The following ALDH1L1 variants were observed in gnomAD, a reference collection of about 807,000 sequenced individuals.
ALDH1L1 encodes the protein cytosolic 10-formyltetrahydrofolate dehydrogenase.
In ALDH1L1, 68 loss-of-function variants were observed where a neutral mutation model predicts 101.1. The ratio of observed to expected loss-of-function variants is 0.67; its 90% CI spans 0.55 to 0.82. The LOEUF (loss-of-function observed/expected upper bound fraction) is 0.82. Ranked by LOEUF, ALDH1L1 falls within the 40% of genes least tolerant of loss-of-function variation. ALDH1L1 has a pLI of 0.00. For missense variants in ALDH1L1, 1,087 were observed against 1,172.7 expected (o/e 0.93, Z 1.07); for synonymous variants, 486 against 470.8 (o/e 1.03, Z -0.42).
At chr3:126,157,255 T>C in intron 4 of ALDH1L1, 88 bp downstream of exon 4, 1 of 1,460,932 alleles carries the variant, frequency 6.8e-7, no homozygotes, top group Non-Finnish European at 9.1e-7. Context: ...AACAGATTCC[T>C]GGCCTCCAGG....
At position 126,135,528 on chromosome 3, in the gene ALDH1L1, C is replaced by T; in HGVS notation, c.1472+7G>A. 2 of 1,604,738 alleles carry T rather than the reference C, an allele frequency of 1.2e-6. No homozygotes were observed. The highest frequency in any genetic ancestry group is 4.5e-5 in the East Asian group (2 of 44,260). On this transcript the variant is annotated splice_region_variant and intron_variant, in intron 12 of 22. Coordinates refer to ENST00000393434, the MANE Select transcript of ALDH1L1 (RefSeq NM_012190.4). The stretch of plus-strand genomic sequence containing the variant: ...CAGTGGCTGGCAGGTACATGTTGGG[C>T]TCCCACCTGTACATCAGCCGGCCCC...
upstream of ALDH1L1, among the ~76,000 whole-genome samples, chr3:126,182,812 G>A (rs899583947): frequency 4.6e-5 from 7 of 152,144 alleles, no homozygotes; most frequent in East Asian, 3.9e-4. Flanking sequence ...AAAGTGTTCC[G>A]AAATCATGTG....
At chr3:126,114,817 C>T in intron 17 of ALDH1L1, 161 bp from the exon 18 acceptor site, 2 of 680,498 alleles carry the variant, frequency 2.9e-6, no homozygotes, top group Non-Finnish European at 5.3e-6. Flanking sequence ...TGCGGCTTCA[C>T]ACGGCCACCT....
In ALDH1L1 at chr3:126,158,426, C is replaced by CG. The variant is rs2080962745; in HGVS notation, c.340dup (p.Arg114ProfsTer15). The CG allele has an allele frequency of 6.2e-7, 1 of 1,604,092 alleles. No homozygotes were observed. The highest frequency in any genetic ancestry group is 8.5e-7 in the Non-Finnish European group (1 of 1,173,532). On this transcript the variant is annotated frameshift_variant, in exon 3 of 23. Transcript: ENST00000393434. LOFTEE classifies it high-confidence loss of function. ...TCACCAGTTGATGGCCGAGGCCCCT[C>CG]GGTGCCTAGGGAGCAGTGACGGGTG...
At chr3:126,133,179 T>G (rs1559936576) in intron 12 of ALDH1L1, among the ~76,000 whole-genome samples, 1 of 152,222 alleles carries the variant, frequency 6.6e-6, no homozygotes, top group Non-Finnish European at 1.5e-5. Context: ...TTTTAGCCAC[T>G]TAGGGCCCGC....
rs1385796981 is a variant in ALDH1L1 at position 126,131,387 on chromosome 3, G to A, written c.1620C>T (p.Ile540=). 4 of 1,599,016 alleles carry A rather than the reference G, an allele frequency of 2.5e-6. No individual in the cohort carries two copies. Among genetic ancestry groups the A allele is most frequent in the Non-Finnish European group, 3.4e-6 (4 of 1,168,050 alleles). Residue 540 remains isoleucine (I), a synonymous_variant, in exon 13 of 23, where the codon ATC becomes ATT. Transcript: ENST00000393434. ...FRYFAGWCDK[I]QGSTIPINQA... is the part of the protein sequence containing the mutation. ...TGGGTGGGAGCCTGGGCCCCACCTG[G>A]ATCTTGTCACACCAGCCAGCAAAGT...
intron 18 of ALDH1L1, 93 bp downstream of exon 18, chr3:126,114,464 G>T (rs1397820368): frequency 2.0e-6 from 2 of 1,023,728 alleles, no homozygotes; most frequent in African/African-American, 3.2e-5. Flanking sequence ...CTACACGTGT[G>T]AGTGTGGCTG....
rs979212367 is a variant in ALDH1L1, at chr3:126,145,076, G to C, written c.1076+1759C>G. Among the ~76,000 whole-genome samples, 5 of 152,108 alleles carry C rather than the reference G, an allele frequency of 3.3e-5. No individual in the cohort carries two copies. In the South Asian group the frequency reaches 1.0e-3, roughly 32 times the overall value. On this transcript the variant is annotated intron_variant, in intron 9 of 22. Transcript: ENST00000393434. ...CACATGACCAACAGGTATATGAAAA[G>C]ATGCTCAACATCACTAATCATCAGG...
At chr3:126,177,279 C>T (rs1474633471) in intron 1 of ALDH1L1, among the ~76,000 whole-genome samples, 1 of 152,200 alleles carries the variant, frequency 6.6e-6, no homozygotes, top group Non-Finnish European at 1.5e-5. Context: ...TTATTCACTG[C>T]TAAAACTTGG....
At chr3:126,153,711 A>C in intron 6 of ALDH1L1, 130 bp from the exon 7 acceptor site, 1 of 1,210,392 alleles carries the variant, frequency 8.3e-7, no homozygotes, top group Non-Finnish European at 1.1e-6. Flanking sequence ...GAGCCGGCTC[A>C]AAGCCCATGT....
Position 126,118,029 on chromosome 3 carries a change from T to C in ALDH1L1, c.1958A>G (p.Glu653Gly). 6.2e-7 allele frequency: 1 copy of C among 1,614,004 alleles called. No individual in the cohort carries two copies. The highest frequency in any genetic ancestry group is 1.7e-5 in the Admixed American group (1 of 60,008). The change falls in exon 17 of 23, where the codon GAG becomes GGG. Residue 653 changes from glutamate to glycine, a missense_variant. Physicochemically the swap from Glu to Gly is moderately conservative, Grantham distance 98. Around this residue, in one of 2 missense-constraint regions of ALDH1L1, gnomAD observed 442 missense variants for 535.7 expected, o/e 0.83. Coordinates refer to ENST00000393434, the MANE Select transcript of ALDH1L1 (RefSeq NM_012190.4). ...CCTTTTCATGATGTGCTTGCCCACC[T>C]CTGTGGAGCCTGTGAACCCGATTTT... ...VRKIGFTGST[E>G]VGKHIMKSCA...
At chr3:126,128,969 A>G (rs2080242952) in intron 14 of ALDH1L1, 1 of 147,810 alleles carries the variant, frequency 6.8e-6, no homozygotes, top group African/African-American at 2.5e-5. Context: ...TCAAAGCACG[A>G]CAAAGGTCTC....
chr3:126,184,845 G>A (rs1184817026), upstream of ALDH1L1, among the ~76,000 whole-genome samples: 1 of 152,182 alleles, frequency 6.6e-6, no homozygotes, highest in Non-Finnish European at 1.5e-5. Flanking sequence ...AAATCAAAGC[G>A]GGGAGGCCAA....
chr3:126,120,993 T>C (rs2080069162), intron 16 of ALDH1L1, among the ~76,000 whole-genome samples: 1 of 152,094 alleles, frequency 6.6e-6, no homozygotes, highest in Admixed American at 6.5e-5. Context: ...AATGTGGCCT[T>C]ATTTGGGGAT....
At chr3:126,113,429 G>A (rs1159214625) in intron 18 of ALDH1L1, among the ~76,000 whole-genome samples, 3 of 152,158 alleles carry the variant, frequency 2.0e-5, no homozygotes, top group Non-Finnish European at 4.4e-5. Context: ...CAGAACAAAG[G>A]CCCTCAGAGG....
At chr3:126,133,289 C>A (rs1014322646) in intron 12 of ALDH1L1, among the ~76,000 whole-genome samples, 2 of 152,206 alleles carry the variant, frequency 1.3e-5, no homozygotes, top group Non-Finnish European at 2.9e-5. Context: ...CCCTTGGCAG[C>A]CCTCAGACCC....
chr3:126,138,046 C>A (rs1271347507), intron 9 of ALDH1L1, 86 bp from the exon 10 acceptor site: 4 of 1,529,576 alleles, frequency 2.6e-6, no homozygotes, highest in Non-Finnish European at 3.6e-6. Context: ...GGGCCAAACA[C>A]CCCAGAGAGG....
At chr3:126,104,724 C>T (rs1217353251) in intron 22 of ALDH1L1, 1 of 152,416 alleles carries the variant, frequency 6.6e-6, no homozygotes, top group Non-Finnish European at 1.5e-5. Context: ...CACATGGGCC[C>T]CTCTCATGGG....
At chr3:126,109,921 G>A (rs777817670) in intron 20 of ALDH1L1, 23 bp downstream of exon 20, 46 of 1,611,956 alleles carry the variant, frequency 2.9e-5, no homozygotes, top group African/African-American at 8.0e-5. Flanking sequence ...TGACCCAAGC[G>A]GACCTGACAC....
Sources: gnomAD v4.1 joint callset for allele counts (sites outside exome capture counted in the v4.1 genomes callset) on GRCh38, gnomAD v4.1.1 for gene constraint, gnomAD v4.1.1 regional missense constraint, MANE v1.5 for transcripts, NCBI Gene and HGNC (gene_info 2026-07-23, HGNC 2026-07-21) for gene names.